Variants in POLI observed in about 807,000 individuals in gnomAD.
The protein encoded by POLI is DNA polymerase iota, also known as RAD30 homolog B.
POLI carries 58 observed loss-of-function variants against 51.6 expected under a neutral mutation model. The ratio of observed to expected loss-of-function variants is 1.12; its 90% confidence interval spans 0.91 to 1.40. The LOEUF (loss-of-function observed/expected upper bound fraction) is 1.40. Among genes scored for constraint, POLI ranks in the 40% most tolerant of loss-of-function variants. The probability of loss-of-function intolerance (pLI) is 0.00; values close to 1 mark genes in which losing one functional copy is unlikely to be tolerated. For missense variants in POLI, 921 were observed against 871.3 expected (o/e 1.06, Z -0.72); for synonymous variants, 322 against 299.7 (o/e 1.07, Z -0.77).
intron 3 of POLI, among the ~76,000 whole-genome samples, chr18:54,318,797 A>G (rs547206170): frequency 9.2e-5 from 14 of 152,328 alleles, no homozygotes; most frequent in Admixed American, 7.2e-4. Flanking sequence ...ACCAGAGTCA[A>G]GCTGCATATT....
At position 54,296,810 on chromosome 18, in the gene POLI, T is replaced by A; in HGVS notation, c.*2343T>A. 1 of 540,414 alleles carries A rather than the reference T, an allele frequency of 1.9e-6. No individual in the cohort carries two copies. 33.5% of individuals were successfully genotyped at this position (540,414 alleles called of 1,614,324 possible). A position where few individuals can be genotyped will look rare whatever the true frequency, so the allele number is the denominator to read the frequency against. Reference sequence around the variant, plus strand: ...ATTTTTCATTTGATTCTTTTTAACTTCCCGTTTACTCATTACAGTCCCTTG... The same window carrying A: ...ATTTTTCATTTGATTCTTTTTAACTACCCGTTTACTCATTACAGTCCCTTG... On this transcript the variant is annotated 3_prime_UTR_variant, in exon 10 of 10. Transcript: ENST00000579534.
chr18:54,297,007 C>G lies in POLI; in HGVS notation c.*2540C>G. The G allele has an allele frequency of 1.0e-6, 1 of 985,322 alleles. No individual in the cohort carries two copies. The highest frequency in any genetic ancestry group is 1.2e-6 in the Non-Finnish European group (1 of 829,888). The allele number at this position is 985,322 out of a possible 1,614,324, so 61.0% of individuals were successfully genotyped here. On this transcript the variant is annotated 3_prime_UTR_variant, in exon 10 of 10. Coordinates refer to ENST00000579534, the MANE Select transcript of POLI (RefSeq NM_007195.3). Reference sequence around the variant, plus strand: ...AGAGGGCCTAAATTGTGTATGTTTTCCTTCAGTATGATTTGAGTTCGTTGC... The same window carrying G: ...AGAGGGCCTAAATTGTGTATGTTTTGCTTCAGTATGATTTGAGTTCGTTGC...
Position 54,297,652 on chromosome 18 carries a change from A to G in POLI, c.*3185A>G. 4.1e-6 allele frequency: 4 copies of G among 979,220 alleles called. No individual in the cohort carries two copies. Among genetic ancestry groups the G allele is most frequent in the Non-Finnish European group, 4.9e-6 (4 of 824,432 alleles). 60.7% of individuals were successfully genotyped at this position (979,220 alleles called of 1,614,324 possible). A position where few individuals can be genotyped will look rare whatever the true frequency, so the allele number is the denominator to read the frequency against. The stretch of plus-strand genomic sequence containing the variant: ...GATCAGTTGGGTTTTCTATTTAATC[A>G]TATATTTTCCCTTTACTGATTTGGA... On this transcript the variant is annotated 3_prime_UTR_variant, in exon 10 of 10. Transcript: ENST00000579534.
At chr18:54,308,374 G>A (rs1482053003) in intron 3 of POLI, among the ~76,000 whole-genome samples, 2 of 152,180 alleles carry the variant, frequency 1.3e-5, no homozygotes, top group Admixed American at 6.5e-5. Flanking sequence ...ATTGTGGGTT[G>A]GAAATTCTTT....
rs1474508582 is a variant in POLI, at chr18:54,291,919, AC to A, written c.1288del (p.Leu430PhefsTer2). Reference protein sequence around the residue: ...MVNVKMPFHLTLLSVCFCNLK... With the variant: ...MVNVKMPFHLXLLSVCFCNLK... ...GAATGTGAAGATGCCATTTCACCTT[AC>A]CCTTCTAAGTGTGTGCTTCTGCAAC... On this transcript the variant is annotated frameshift_variant, in exon 9 of 10. Coordinates refer to ENST00000579534, the MANE Select transcript of POLI (RefSeq NM_007195.3). LOFTEE classifies it high-confidence loss of function. The A allele has an allele frequency of 1.2e-6, 2 of 1,609,326 alleles. No individual in the cohort carries two copies. Among genetic ancestry groups the A allele is most frequent in the Non-Finnish European group, 8.5e-7 (1 of 1,176,182 alleles).
At chr18:54,318,021 T>C (rs4386193) in intron 3 of POLI, among the ~76,000 whole-genome samples, 26,088 of 152,134 alleles carry the variant, frequency 0.17, 2,420 homozygotes, top group Middle Eastern at 0.26. Context: ...AATATAATTA[T>C]GCATACCACT....
At chr18:54,309,943 A>G (rs1382089193) in intron 3 of POLI, among the ~76,000 whole-genome samples, 1 of 152,194 alleles carries the variant, frequency 6.6e-6, no homozygotes, top group African/African-American at 2.4e-5. Flanking sequence ...ACCATTGGAA[A>G]ACTGCAATAT....
At chr18:54,293,557 C>A in intron 9 of POLI, 92 bp from the exon 10 acceptor site, 1 of 866,580 alleles carries the variant, frequency 1.2e-6, no homozygotes, top group Non-Finnish European at 1.7e-6. Context: ...AGGTTAGAAA[C>A]ATGTCAGATA....
chr18:54,311,663 CT>C (rs1264828529), intron 3 of POLI, among the ~76,000 whole-genome samples: 3 of 152,108 alleles, frequency 2.0e-5, no homozygotes, highest in South Asian at 2.1e-4. Context: ...ATATAACACC[CT>C]AGCAGTGAAA....
In POLI at chr18:54,271,452, A is replaced by G. The variant is rs139346720; in HGVS notation, c.208A>G (p.Ile70Val). 9.1e-5 allele frequency: 147 copies of G among 1,608,838 alleles called. No individual in the cohort carries two copies. Among genetic ancestry groups the G allele is most frequent in the Non-Finnish European group, 1.2e-4 (140 of 1,176,012 alleles). The change falls in exon 2 of 10, where the codon ATC (isoleucine) becomes GTC (valine). Residue 70 changes from isoleucine (I) to valine (V), a missense_variant. By Grantham distance (29) the Ile-to-Val change is conservative (BLOSUM62 3). Transcript: ENST00000579534. ...LDCFYAQVEMISNPELKDKPL... is the reference protein window; with the variant it reads ...LDCFYAQVEMVSNPELKDKPL... ...TTGCTTTTATGCACAAGTAGAAATG[A>G]TCTCAAATCCAGAGCTAAAAGACAA...
At position 54,296,921 on chromosome 18, in the gene POLI, G is replaced by A. The variant is rs577660459; in HGVS notation, c.*2454G>A. Reference sequence around the variant, plus strand: ...TAAGTCTTTATAAGTCTACATTTAAGGTTATTATTGCATATCATTGTGACT... The same window carrying A: ...TAAGTCTTTATAAGTCTACATTTAAAGTTATTATTGCATATCATTGTGACT... On this transcript the variant is annotated 3_prime_UTR_variant, in exon 10 of 10. Transcript: ENST00000579534. The A allele has an allele frequency of 1.0e-5, 10 of 963,550 alleles. No individual in the cohort carries two copies. The highest frequency in any genetic ancestry group is 1.2e-5 in the Non-Finnish European group (10 of 810,224). 59.7% of individuals were successfully genotyped at this position (963,550 alleles called of 1,614,324 possible). A position where few individuals can be genotyped will look rare whatever the true frequency, so the allele number is the denominator to read the frequency against.
chr18:54,284,399 GC>G (rs1168949678), intron 7 of POLI, among the ~76,000 whole-genome samples: 2 of 152,176 alleles, frequency 1.3e-5, no homozygotes, highest in African/African-American at 4.8e-5. Context: ...ATAGTTAGTT[GC>G]ATTTCATTAA....
At chr18:54,301,137 G>T (rs774876561), downstream of POLI, among the ~76,000 whole-genome samples, 15 of 152,170 alleles carry the variant, frequency 9.9e-5, no homozygotes, top group Non-Finnish European at 1.5e-4. Context: ...AAAGTAGCTG[G>T]GCGTGGTGGC....
chr18:54,300,175 C>G (rs1298907224), downstream of POLI, among the ~76,000 whole-genome samples: 1 of 151,902 alleles, frequency 6.6e-6, no homozygotes, highest in African/African-American at 2.4e-5. Flanking sequence ...TATTTAAAAG[C>G]TTTTTTTGTT....
At chr18:54,307,138 A>T (rs1004941480) in intron 3 of POLI, among the ~76,000 whole-genome samples, 4 of 151,938 alleles carry the variant, frequency 2.6e-5, no homozygotes, top group South Asian at 4.2e-4. Flanking sequence ...CTAGCTTTTG[A>T]ATTTGTTTGC....
chr18:54,297,841 G>A lies in POLI; in HGVS notation c.*3374G>A, dbSNP rs1045851870. On this transcript the variant is annotated 3_prime_UTR_variant, in exon 10 of 10. Coordinates refer to ENST00000579534, the MANE Select transcript of POLI (RefSeq NM_007195.3). The stretch of plus-strand genomic sequence containing the variant: ...ATTATTAGTATTTTATATAGTCAAT[G>A]TTTATTTTTTTGATGGGACATGGTG... The A allele has an allele frequency of 9.2e-6, 9 of 977,268 alleles. No homozygotes were observed. Among genetic ancestry groups the A allele is most frequent in the Admixed American group, 1.2e-4 (2 of 16,240 alleles). 60.5% of individuals were successfully genotyped at this position (977,268 alleles called of 1,614,324 possible). A position where few individuals can be genotyped will look rare whatever the true frequency, so the allele number is the denominator to read the frequency against.
At chr18:54,306,007 C>T (rs1368590774) in intron 3 of POLI, among the ~76,000 whole-genome samples, 3 of 152,178 alleles carry the variant, frequency 2.0e-5, no homozygotes, top group Non-Finnish European at 4.4e-5. Context: ...ATCCGCCCGC[C>T]TCAGCCTCCC....
intron 9 of POLI, among the ~76,000 whole-genome samples, chr18:54,293,153 A>G (rs907882886): frequency 1.8e-4 from 27 of 151,992 alleles, no homozygotes; most frequent in Non-Finnish European, 3.5e-4. Flanking sequence ...TTAAATTTTT[A>G]TTTTATATAA....
At chr18:54,281,233 C>T (rs1181012974) in intron 5 of POLI, among the ~76,000 whole-genome samples, 3 of 152,060 alleles carry the variant, frequency 2.0e-5, no homozygotes, top group African/African-American at 4.8e-5. Context: ...TACATTGCCT[C>T]TAGAGAGGGG....
Sources: gnomAD v4.1 joint callset for allele counts (sites outside exome capture counted in the v4.1 genomes callset) on GRCh38, gnomAD v4.1.1 for gene constraint, MANE v1.5 for transcripts, NCBI Gene and HGNC (gene_info 2026-07-23, HGNC 2026-07-21) for gene names.